Variants in MAML3 observed in about 807,000 individuals in gnomAD.
The protein encoded by MAML3 is mastermind like transcriptional coactivator 3.
In MAML3, 27 loss-of-function variants were observed where a neutral mutation model predicts 101.9. The ratio of observed to expected loss-of-function variants is 0.27; its 90% confidence interval spans 0.20 to 0.37. The LOEUF (loss-of-function observed/expected upper bound fraction) is 0.37. MAML3 is among the 10% of genes least tolerant of loss of function. MAML3 has a pLI of 1.00. For synonymous variants in MAML3, 501 were observed against 555.9 expected, an observed-to-expected ratio of 0.90 and a Z score of 1.39; for missense variants, 1,316 against 1,444.9, an observed-to-expected ratio of 0.91 and a Z score of 1.45.
intron 2 of MAML3, among the ~76,000 whole-genome samples, chr4:139,827,058 G>A (rs942131220): frequency 1.3e-5 from 2 of 152,176 alleles, no homozygotes; most frequent in Admixed American, 6.5e-5. Flanking sequence ...GGCTGTGAGT[G>A]CCCAAGGTTA....
chr4:140,052,459 G>A (rs954186572), intron 1 of MAML3, among the ~76,000 whole-genome samples: 1 of 151,934 alleles, frequency 6.6e-6, no homozygotes. Flanking sequence ...CCTAGACCCC[G>A]TGTAGGAATC....
chr4:139,866,322 C>T (rs929243756), intron 2 of MAML3, among the ~76,000 whole-genome samples: 2 of 152,316 alleles, frequency 1.3e-5, no homozygotes, highest in East Asian at 1.9e-4. Flanking sequence ...CCTCACCCAG[C>T]GATTTTCCTG....
At chr4:140,076,854 T>A (rs1727775973) in intron 1 of MAML3, among the ~76,000 whole-genome samples, 1 of 152,106 alleles carries the variant, frequency 6.6e-6, no homozygotes, top group South Asian at 2.1e-4. Context: ...GTTTTTGTTT[T>A]TTTGTTGTTG....
intron 2 of MAML3, among the ~76,000 whole-genome samples, chr4:139,807,835 G>A (rs1288755489): frequency 6.6e-6 from 1 of 152,172 alleles, no homozygotes; most frequent in Non-Finnish European, 1.5e-5. Flanking sequence ...CCAATTGTTA[G>A]CTTGACAAAG....
intron 1 of MAML3, chr4:140,128,022 C>T (rs1408623664): frequency 6.6e-6 from 1 of 152,222 alleles, no homozygotes. Context: ...TCCAGTGCCT[C>T]ACAGACAGCA....
chr4:139,918,925 C>T (rs1733075486), intron 1 of MAML3, among the ~76,000 whole-genome samples: 1 of 151,908 alleles, frequency 6.6e-6, no homozygotes, highest in African/African-American at 2.4e-5. Flanking sequence ...TGGATTGACC[C>T]CCAAGAAGCA....
At chr4:140,001,696 G>A (rs1734928194) in intron 1 of MAML3, among the ~76,000 whole-genome samples, 1 of 152,204 alleles carries the variant, frequency 6.6e-6, no homozygotes, top group Non-Finnish European at 1.5e-5. Context: ...TATAAAAACT[G>A]TGAGTCTATC....
At chr4:139,876,138 A>G (rs1375787450) in intron 2 of MAML3, among the ~76,000 whole-genome samples, 3 of 152,188 alleles carry the variant, frequency 2.0e-5, no homozygotes. Flanking sequence ...TGAAAAAAAA[A>G]GTATGTAAAA....
At chr4:140,035,270 G>A (rs538633221) in intron 1 of MAML3, among the ~76,000 whole-genome samples, 7 of 152,108 alleles carry the variant, frequency 4.6e-5, no homozygotes, top group East Asian at 1.9e-4. Flanking sequence ...CACCACGCCC[G>A]GCCAAGCCAA....
At chr4:140,020,002 T>C (rs1726706837) in intron 1 of MAML3, among the ~76,000 whole-genome samples, 1 of 152,238 alleles carries the variant, frequency 6.6e-6, no homozygotes, top group South Asian at 2.1e-4. Context: ...CTTGGTAGTC[T>C]TCCCTTCAAC....
chr4:140,070,791 T>C (rs1727637366), intron 1 of MAML3, among the ~76,000 whole-genome samples: 1 of 152,234 alleles, frequency 6.6e-6, no homozygotes, highest in South Asian at 2.1e-4. Flanking sequence ...TCGAACTTGA[T>C]TGAGACTTGC....
rs546890590 is a variant in MAML3, at chr4:139,989,151, G to A, written c.469-98184C>T. ...AGACAGGGCTCTGGACGGGACAGAA[G>A]CAGGAATCTTGGCCAAGGATACAAA... On this transcript the variant is annotated intron_variant, in intron 1 of 4. Transcript: ENST00000509479. Among the ~76,000 whole-genome samples, 4 of 152,246 alleles carry A rather than the reference G, an allele frequency of 2.6e-5. No individual in the cohort carries two copies. In the South Asian group the frequency reaches 6.2e-4, roughly 24 times the overall value.
At chr4:140,050,256 C>G (rs888976144) in intron 1 of MAML3, among the ~76,000 whole-genome samples, 1 of 152,148 alleles carries the variant, frequency 6.6e-6, no homozygotes, top group African/African-American at 2.4e-5. Flanking sequence ...CCATCCCAAC[C>G]CACCCCACTG....
intron 1 of MAML3, among the ~76,000 whole-genome samples, chr4:140,150,431 A>G (rs1234917005): frequency 6.6e-6 from 1 of 152,096 alleles, no homozygotes; most frequent in Non-Finnish European, 1.5e-5. Context: ...CCAAACACCG[A>G]AAGTTTCTGG....
intron 1 of MAML3, among the ~76,000 whole-genome samples, chr4:140,082,950 A>T (rs1727885537): frequency 6.6e-6 from 1 of 152,204 alleles, no homozygotes. Flanking sequence ...GGCAAGGTTC[A>T]TCAGCAACTC....
At chr4:140,148,717 A>G (rs1729105461) in intron 1 of MAML3, among the ~76,000 whole-genome samples, 1 of 152,254 alleles carries the variant, frequency 6.6e-6, no homozygotes, top group African/African-American at 2.4e-5. Context: ...CAGTGGACTA[A>G]TATGTTGACA....
chr4:139,781,419 T>C (rs879664157), intron 2 of MAML3, among the ~76,000 whole-genome samples: 5 of 151,902 alleles, frequency 3.3e-5, no homozygotes, highest in Non-Finnish European at 5.9e-5. Context: ...AACTTCATGA[T>C]ATTTAAAAGT....
chr4:140,139,238 A>T (rs1728944527), intron 1 of MAML3, among the ~76,000 whole-genome samples: 1 of 152,198 alleles, frequency 6.6e-6, no homozygotes, highest in Non-Finnish European at 1.5e-5. Context: ...GTGCCACTGC[A>T]TTCCAGCCTG....
At chr4:139,927,072 C>CTTTTTTTTTTTTTTTTTTCT (rs61573991) in intron 1 of MAML3, among the ~76,000 whole-genome samples, 35 of 134,684 alleles carry the variant, frequency 2.6e-4, no homozygotes, top group Non-Finnish European at 3.4e-4. Flanking sequence ...TTTCTTTTTT[C>CTTTTTTTTTTTTTTTTTTCT]TTTTTTTTTT....
Sources: gnomAD v4.1 joint callset for allele counts (sites outside exome capture counted in the v4.1 genomes callset) on GRCh38, gnomAD v4.1.1 for gene constraint, MANE v1.5 for transcripts, NCBI Gene and HGNC (gene_info 2026-07-23, HGNC 2026-07-21) for gene names.